Variants in TNC observed in about 807,000 individuals in gnomAD.
The protein encoded by TNC is tenascin.
Under a neutral mutation model 202.4 loss-of-function variants are expected in TNC, and 109 were observed. The ratio of observed to expected loss-of-function variants is 0.54; its 90% CI spans 0.46 to 0.63. The LOEUF is 0.63. Ranked by LOEUF, TNC falls within the 30% of genes least tolerant of loss-of-function variation. TNC has a pLI of 0.00. For synonymous variants in TNC, 1,007 were observed against 1,089.7 expected, an observed-to-expected ratio of 0.92 and a Z score of 1.50; for missense variants, 2,756 against 2,833.3, an observed-to-expected ratio of 0.97 and a Z score of 0.62.
At chr9:115,049,549 C>T in intron 15 of TNC, among the ~76,000 whole-genome samples, 1 of 152,136 alleles carries the variant, frequency 6.6e-6, no homozygotes, top group East Asian at 1.9e-4. Context: ...CTTTCCATAC[C>T]CAAAGCCAAC....
chr9:115,056,120 C>T (rs1832098504), intron 15 of TNC, among the ~76,000 whole-genome samples: 1 of 152,142 alleles, frequency 6.6e-6, no homozygotes, highest in Admixed American at 6.5e-5. Flanking sequence ...CGATGTCAAC[C>T]CTTTTCTTGG....
At position 115,087,096 on chromosome 9, in the gene TNC, G is replaced by T. The variant is rs899357125; in HGVS notation, c.635C>A (p.Thr212Lys). ...DGQCICDDGF[T>K]GEDCSQLACP... ...AGCCAGCTGGCTGCAGTCCTCGCCCGTGAAGCCGTCGTCACAGATGCACTG... is the reference window on the plus strand; with the variant it reads ...AGCCAGCTGGCTGCAGTCCTCGCCCTTGAAGCCGTCGTCACAGATGCACTG... The change falls in exon 3 of 28, where the codon ACG becomes AAG. Residue 212 changes from threonine to lysine, a missense_variant. This residue lies in a region of TNC where 2,559 missense variants were observed against 2,546.0 expected (regional missense o/e 1.01). Transcript: ENST00000350763. 1 of 1,614,230 alleles carries T rather than the reference G, an allele frequency of 6.2e-7. No individual in the cohort carries two copies. Among genetic ancestry groups the T allele is most frequent in the African/African-American group, 1.3e-5 (1 of 75,062 alleles).
At chr9:115,076,606 C>G in intron 7 of TNC, 31 bp from the exon 8 acceptor site, 1 of 1,608,856 alleles carries the variant, frequency 6.2e-7, no homozygotes, top group Non-Finnish European at 8.5e-7. Context: ...TTGTATTGAA[C>G]ATATCAGTCA....
Position 115,082,701 on chromosome 9 carries a change from G to T in TNC, c.2238C>A (p.Phe746Leu), listed in dbSNP as rs1834392848. 1 of 1,609,242 alleles carries T rather than the reference G, an allele frequency of 6.2e-7. No homozygotes were observed. Among genetic ancestry groups the T allele is most frequent in the South Asian group, 1.1e-5 (1 of 90,956 alleles). Residue 746 changes from phenylalanine (F) to leucine (L), a missense_variant, in exon 5 of 28, where the codon TTC becomes TTA. Physicochemically the swap from Phe to Leu is conservative, Grantham distance 22. Around this residue, in one of 2 missense-constraint regions of TNC, gnomAD observed 2,559 missense variants for 2,546.0 expected, o/e 1.01. Coordinates refer to ENST00000350763, the MANE Select transcript of TNC (RefSeq NM_002160.4). ...DIAFETWEIIFRNMNKEDEGE... is the reference protein window; with the variant it reads ...DIAFETWEIILRNMNKEDEGE... ...CTTTTGTACTCCTTACCATATTCCG[G>T]AAGATGATCTCCCAGGTTTCAAAAG...
chr9:115,023,717 G>A (rs1829261294), intron 27 of TNC, among the ~76,000 whole-genome samples: 1 of 152,216 alleles, frequency 6.6e-6, no homozygotes, highest in Non-Finnish European at 1.5e-5. Flanking sequence ...TTTTGTCTGA[G>A]TAAAGCGTTC....
At chr9:115,045,328 GTAT>G (rs1831091104) in intron 17 of TNC, among the ~76,000 whole-genome samples, 1 of 151,866 alleles carries the variant, frequency 6.6e-6, no homozygotes, top group South Asian at 2.1e-4. Context: ...GTTCATCTTA[GTAT>G]TATTATTATT....
At chr9:115,082,170 T>G (rs531030937) in intron 5 of TNC, among the ~76,000 whole-genome samples, 2 of 152,234 alleles carry the variant, frequency 1.3e-5, no homozygotes, top group African/African-American at 4.8e-5. Flanking sequence ...AATGACAGAA[T>G]GTGAGAGCCA....
At chr9:115,052,669 G>A (rs998710844) in intron 15 of TNC, 12 of 632,306 alleles carry the variant, frequency 1.9e-5, no homozygotes, top group Non-Finnish European at 3.4e-5. Flanking sequence ...TATTTTTGTT[G>A]AATTTTCCTT....
chr9:115,057,657 C>A (rs1320758417), intron 14 of TNC, among the ~76,000 whole-genome samples: 1 of 152,256 alleles, frequency 6.6e-6, no homozygotes, highest in Non-Finnish European at 1.5e-5. Context: ...TCTCTACATG[C>A]AGTTGCCACA....
chr9:115,023,908 T>C (rs1829277403), intron 27 of TNC, 65 bp downstream of exon 27: 30 of 1,544,240 alleles, frequency 1.9e-5, no homozygotes. Context: ...AGTTAAATTG[T>C]ACTTCCATTA....
chr9:115,028,627 A>G (rs1829691677), intron 25 of TNC, among the ~76,000 whole-genome samples: 1 of 152,124 alleles, frequency 6.6e-6, no homozygotes, highest in African/African-American at 2.4e-5. Context: ...CTCTGCCAAT[A>G]GGAAAAAAAA....
Position 115,114,171 on chromosome 9 carries a change from A to G in TNC, c.-137+3811T>C, listed in dbSNP as rs73656726. Among the ~76,000 whole-genome samples the G allele has an allele frequency of 9.6e-3, 1,462 of 152,286 alleles. 17 individuals are homozygous for G. The highest frequency in any genetic ancestry group is 0.033 in the African/African-American group (1,371 of 41,556). On this transcript the variant is annotated intron_variant, in intron 1 of 27. Transcript: ENST00000350763. ...CTCCTTGGAAGGGAGCCTTCATCTA[A>G]TGTTTCCCACATGTTGAAGGTGTTC...
intron 14 of TNC, among the ~76,000 whole-genome samples, chr9:115,059,227 T>C: frequency 6.6e-6 from 1 of 152,202 alleles, no homozygotes; most frequent in Non-Finnish European, 1.5e-5. Flanking sequence ...TCTCTTATTA[T>C]ACTGGGTGCA....
At chr9:115,060,279 A>T (rs930345081) in intron 13 of TNC, among the ~76,000 whole-genome samples, 1 of 152,186 alleles carries the variant, frequency 6.6e-6, no homozygotes, top group Non-Finnish European at 1.5e-5. Flanking sequence ...ATGCATTGCT[A>T]GCAGGTGAAA....
At chr9:115,085,662 C>T (rs938275904) in intron 3 of TNC, among the ~76,000 whole-genome samples, 2 of 152,184 alleles carry the variant, frequency 1.3e-5, no homozygotes, top group Non-Finnish European at 2.9e-5. Context: ...GCCCTTCAGC[C>T]CTTAAATAGG....
chr9:115,052,965 T>C (rs1285169472), intron 15 of TNC: 2 of 702,666 alleles, frequency 2.8e-6, no homozygotes, highest in Non-Finnish European at 5.2e-6. Flanking sequence ...ATGTTGAAGC[T>C]TTTTGGAGTA....
chr9:115,087,360 G>T, intron 2 of TNC, 87 bp from the exon 3 acceptor site: 1 of 1,398,282 alleles, frequency 7.2e-7, no homozygotes, highest in East Asian at 2.4e-5. Flanking sequence ...TTCAAATTCA[G>T]CTGAAGGACG....
chr9:115,058,024 A>G (rs1588085149), intron 14 of TNC, among the ~76,000 whole-genome samples: 1 of 152,212 alleles, frequency 6.6e-6, no homozygotes, highest in African/African-American at 2.4e-5. Context: ...TTAGAGAAGG[A>G]CCAGCCAGCC....
intron 15 of TNC, among the ~76,000 whole-genome samples, chr9:115,056,661 C>G (rs1247010238): frequency 6.6e-6 from 1 of 152,154 alleles, no homozygotes; most frequent in Admixed American, 6.5e-5. Flanking sequence ...TTGCTGTTTC[C>G]CTTTACTTTC....
Sources: allele counts gnomAD v4.1 joint callset (sites outside exome capture counted in the v4.1 genomes callset), GRCh38; gene constraint gnomAD v4.1.1; regional missense constraint gnomAD v4.1.1; transcripts MANE v1.5; gene names NCBI Gene and HGNC (gene_info 2026-07-23, HGNC 2026-07-21).